The following PANK3 variants were observed in gnomAD, a reference collection of about 807,000 sequenced individuals.
PANK3 encodes hPanK3.
PANK3 carries 20 observed loss-of-function variants against 39.4 expected under a neutral mutation model. The observed-to-expected ratio is 0.51, with a 90% CI of 0.36 to 0.74. The LOEUF (loss-of-function observed/expected upper bound fraction) is 0.74, where lower values mean the gene tolerates loss of function less well. Ranked by LOEUF, PANK3 falls within the 30% of genes least tolerant of loss-of-function variation. PANK3 has a pLI of 0.00. For missense variants in PANK3, 265 were observed against 437.0 expected (o/e 0.61, Z 3.51); for synonymous variants, 140 against 157.3 (o/e 0.89, Z 0.82).
chr5:168,567,181 T>C lies in PANK3; in HGVS notation c.382-915A>G, dbSNP rs767904308. The stretch of plus-strand genomic sequence containing the variant: ...TGGAGGGTCATGTCACCAACAGCAA[T>C]GCCATTTATGGTATCTTATTTTCCA... On this transcript the variant is annotated intron_variant, in intron 2 of 6. Coordinates refer to ENST00000239231, the MANE Select transcript of PANK3 (RefSeq NM_024594.4). Among the ~76,000 whole-genome samples the C allele has an allele frequency of 2.6e-4, 39 of 152,346 alleles. No homozygotes were observed. The Middle Eastern group carries it at 0.027, about 106-fold the overall frequency.
rs57664567 is a variant in PANK3, at chr5:168,565,885, ATTTT to A, written c.635+124_635+127del. ...AAAAAAAAAATATATATATATATAT[ATTTT>A]TTTTTTTTGCTGTTGTGCAAATACA... is the stretch of plus-strand genomic sequence containing the variant. On this transcript the variant is annotated intron_variant, in intron 3 of 6. Transcript: ENST00000239231. The A allele has an allele frequency of 1.4e-4, 28 of 194,746 alleles. 5 individuals are homozygous for A. Among genetic ancestry groups the A allele is most frequent in the Admixed American group, 1.2e-3 (19 of 15,928 alleles). The allele number at this position is 194,746 out of a possible 1,614,324, so 12.1% of individuals were successfully genotyped here. A position where few individuals can be genotyped will look rare whatever the true frequency, so the allele number is the denominator to read the frequency against.
rs1186439831 is a variant in PANK3 at position 168,549,380 on chromosome 5, G to C, written c.*8191C>G. The C allele has an allele frequency of 6.6e-6, 1 of 152,024 alleles. No homozygotes were observed. Among genetic ancestry groups the C allele is most frequent in the Non-Finnish European group, 1.5e-5 (1 of 68,024 alleles). 9.4% of individuals were successfully genotyped at this position (152,024 alleles called of 1,614,324 possible). ...AAATTCAGACATACAATGTAAAGTT[G>C]AAATAATCCCAAATTATTTTACATT... is the stretch of plus-strand genomic sequence containing the variant. On this transcript the variant is annotated 3_prime_UTR_variant, in exon 7 of 7. Transcript: ENST00000239231.
In PANK3 at chr5:168,561,508, T is replaced by G. The variant is rs957914104; in HGVS notation, c.821A>C (p.Asn274Thr). 1.3e-6 allele frequency: 2 copies of G among 1,570,600 alleles called. No individual in the cohort carries two copies. The highest frequency in any genetic ancestry group is 1.7e-6 in the Non-Finnish European group (2 of 1,162,120). ...PGWAVASSFG[N>T]MIYKEKRESV... ...TTCTCGCTTCTCCTTATAAATCATATTCCCAAAACTGCAGAAAAATGAAAA... is the reference window on the plus strand; with the variant it reads ...TTCTCGCTTCTCCTTATAAATCATAGTCCCAAAACTGCAGAAAAATGAAAA... Residue 274 changes from asparagine (N) to threonine (T), a missense_variant, in exon 5 of 7, where the codon AAT becomes ACT. Physicochemically the swap from Asn to Thr is moderately conservative, Grantham distance 65 (BLOSUM62 0). Around this residue, in one of 3 missense-constraint regions of PANK3, gnomAD observed 110 missense variants for 161.2 expected, o/e 0.68. Transcript: ENST00000239231.
intron 3 of PANK3, 111 bp from the exon 4 acceptor site, chr5:168,564,176 T>A: frequency 1.1e-6 from 1 of 917,228 alleles, no homozygotes; most frequent in Non-Finnish European, 1.5e-6. Context: ...AAAAAACCTA[T>A]GACTAATGCT....
At chr5:168,572,263 A>G (rs1166394930) in intron 1 of PANK3, among the ~76,000 whole-genome samples, 1 of 151,970 alleles carries the variant, frequency 6.6e-6, no homozygotes, top group Non-Finnish European at 1.5e-5. Context: ...ACAGGTGTGC[A>G]CTACCACGAC....
rs1477652472 is a variant in PANK3 at position 168,551,769 on chromosome 5, A to T, written c.*5802T>A. ...GCAATCACATGTACACTCAAAGGTA[A>T]AAGAAAAAAAACCTCAGAAATTTTT... On this transcript the variant is annotated 3_prime_UTR_variant, in exon 7 of 7. Coordinates refer to ENST00000239231, the MANE Select transcript of PANK3 (RefSeq NM_024594.4). 3 of 152,192 alleles carry T rather than the reference A, an allele frequency of 2.0e-5. No homozygotes were observed. The highest frequency in any genetic ancestry group is 7.2e-5 in the African/African-American group (3 of 41,446). 9.4% of individuals were successfully genotyped at this position (152,192 alleles called of 1,614,324 possible).
chr5:168,561,027 T>C (rs1473769490), intron 5 of PANK3: 10 of 430,800 alleles, frequency 2.3e-5, no homozygotes, highest in Middle Eastern at 3.9e-4. Context: ...ACTGGTGGTA[T>C]AGTGGTGAGC....
rs1002584097 is a variant in PANK3 at position 168,557,512 on chromosome 5, G to A, written c.*59C>T. ...CAGTGACAAACAATGCAGTAATAAT[G>A]CCTCTGGTTTTAGTTCCTCTTGGAT... On this transcript the variant is annotated 3_prime_UTR_variant, in exon 7 of 7. Coordinates refer to ENST00000239231, the MANE Select transcript of PANK3 (RefSeq NM_024594.4). The A allele has an allele frequency of 1.4e-5, 20 of 1,454,646 alleles. No individual in the cohort carries two copies. The Admixed American group carries it at 2.6e-4, about 19-fold the overall frequency. The allele number at this position is 1,454,646 out of a possible 1,614,324, so 90.1% of individuals were successfully genotyped here. A position where few individuals can be genotyped will look rare whatever the true frequency, so the allele number is the denominator to read the frequency against.
rs1759241160 is a variant in PANK3, at chr5:168,549,404, T to C, written c.*8167A>G. The C allele has an allele frequency of 6.6e-6, 1 of 152,234 alleles. No homozygotes were observed. The highest frequency in any genetic ancestry group is 2.4e-5 in the African/African-American group (1 of 41,470). 9.4% of individuals were successfully genotyped at this position (152,234 alleles called of 1,614,324 possible). A position where few individuals can be genotyped will look rare whatever the true frequency, so the allele number is the denominator to read the frequency against. On this transcript the variant is annotated 3_prime_UTR_variant, in exon 7 of 7. Transcript: ENST00000239231. ...TGAAATAATCCCAAATTATTTTACATTATTTATGTATACTTTACAAATAAC... is the reference window on the plus strand; with the variant it reads ...TGAAATAATCCCAAATTATTTTACACTATTTATGTATACTTTACAAATAAC...
At chr5:168,574,048 G>A (rs866104883) in intron 1 of PANK3, among the ~76,000 whole-genome samples, 1 of 150,992 alleles carries the variant, frequency 6.6e-6, no homozygotes, top group African/African-American at 2.4e-5. Context: ...TGGGATGGCT[G>A]GGTCAAATGG....
intron 1 of PANK3, among the ~76,000 whole-genome samples, chr5:168,575,377 G>C (rs2113036828): frequency 6.6e-6 from 1 of 152,302 alleles, no homozygotes; most frequent in South Asian, 2.1e-4. Flanking sequence ...AAGCTATCTA[G>C]CCACAAGAGC....
chr5:168,576,215 A>G (rs1021847461), intron 1 of PANK3, among the ~76,000 whole-genome samples: 4 of 152,192 alleles, frequency 2.6e-5, no homozygotes, highest in African/African-American at 9.7e-5. Context: ...AGGCCAATCA[A>G]ATTACACAGA....
Position 168,575,368 on chromosome 5 carries a change from A to C in PANK3, c.28+3888T>G, listed in dbSNP as rs528656245. ...ACCTTTTAAGATACTAAACAGCAGA[A>C]GCTATCTAGCCACAAGAGCAGACTG... On this transcript the variant is annotated intron_variant, in intron 1 of 6. Coordinates refer to ENST00000239231, the MANE Select transcript of PANK3 (RefSeq NM_024594.4). Among the ~76,000 whole-genome samples, 18 of 152,374 alleles carry C rather than the reference A, an allele frequency of 1.2e-4. 1 individual carries two copies. The South Asian group carries it at 2.1e-3, about 18-fold the overall frequency.
Position 168,548,538 on chromosome 5 carries a change from A to C in PANK3, c.*9033T>G, listed in dbSNP as rs1238427274. On this transcript the variant is annotated 3_prime_UTR_variant, in exon 7 of 7. Transcript: ENST00000239231. ...ATTTATTTAGAAAGTAGAAAATAAA[A>C]AGTATGATTCTAACATCTATTTAGA... 6.6e-6 allele frequency: 1 copy of C among 152,224 alleles called. No individual in the cohort carries two copies. Among genetic ancestry groups the C allele is most frequent in the Non-Finnish European group, 1.5e-5 (1 of 68,040 alleles). 9.4% of individuals were successfully genotyped at this position (152,224 alleles called of 1,614,324 possible).
At chr5:168,576,989 C>T (rs1759742019) in intron 1 of PANK3, among the ~76,000 whole-genome samples, 1 of 151,960 alleles carries the variant, frequency 6.6e-6, no homozygotes, top group Non-Finnish European at 1.5e-5. Context: ...CAGCAATTCT[C>T]CTGCCTCAAG....
intron 6 of PANK3, among the ~76,000 whole-genome samples, chr5:168,557,971 CCTTTAGACACTAAAG>C (rs1431168001): frequency 6.6e-5 from 10 of 152,052 alleles, no homozygotes; most frequent in Admixed American, 5.9e-4. Flanking sequence ...AAAAGTGTGG[CCTTTAGACACTAAAG>C]CTTCCAGGAC....
rs1269317702 is a variant in PANK3 at position 168,554,469 on chromosome 5, G to C, written c.*3102C>G. ...ACTCAAGTCCTTATATTCGATTACA[G>C]GCATGAGCCACTGCACCCAGCCTCA... On this transcript the variant is annotated 3_prime_UTR_variant, in exon 7 of 7. Transcript: ENST00000239231. 6.6e-6 allele frequency: 1 copy of C among 152,122 alleles called. No homozygotes were observed. The highest frequency in any genetic ancestry group is 1.5e-5 in the Non-Finnish European group (1 of 68,014). 9.4% of individuals were successfully genotyped at this position (152,122 alleles called of 1,614,324 possible).
chr5:168,551,973 T>C lies in PANK3; in HGVS notation c.*5598A>G, dbSNP rs1005510630. ...AATTACATGGCAAGTTTACTAATAG[T>C]CTTTGGAAAAGATGAGTGTAGAACT... is the stretch of plus-strand genomic sequence containing the variant. On this transcript the variant is annotated 3_prime_UTR_variant, in exon 7 of 7. Coordinates refer to ENST00000239231, the MANE Select transcript of PANK3 (RefSeq NM_024594.4). 1.3e-5 allele frequency: 2 copies of C among 152,322 alleles called. No homozygotes were observed. The highest frequency in any genetic ancestry group is 2.1e-4 in the South Asian group (1 of 4,824). The allele number at this position is 152,322 out of a possible 1,614,324, so 9.4% of individuals were successfully genotyped here. A position where few individuals can be genotyped will look rare whatever the true frequency, so the allele number is the denominator to read the frequency against.
rs149941622 is a variant in PANK3 at position 168,556,285 on chromosome 5, A to C, written c.*1286T>G. On this transcript the variant is annotated 3_prime_UTR_variant, in exon 7 of 7. Transcript: ENST00000239231. The stretch of plus-strand genomic sequence containing the variant: ...AATGGAAGACTTGCTCCAACTCTAG[A>C]GTTTTCAGAGAGTTAGAGGAGGTGG... 3 of 152,302 alleles carry C rather than the reference A, an allele frequency of 2.0e-5. No homozygotes were observed. Among genetic ancestry groups the C allele is most frequent in the African/African-American group, 7.2e-5 (3 of 41,560 alleles). The allele number at this position is 152,302 out of a possible 1,614,324, so 9.4% of individuals were successfully genotyped here. A position where few individuals can be genotyped will look rare whatever the true frequency, so the allele number is the denominator to read the frequency against.
Sources: allele counts gnomAD v4.1 joint callset (sites outside exome capture counted in the v4.1 genomes callset), GRCh38; gene constraint gnomAD v4.1.1; regional missense constraint gnomAD v4.1.1; transcripts MANE v1.5; gene names NCBI Gene and HGNC (gene_info 2026-07-23, HGNC 2026-07-21).